MINDY4B: variants seen among roughly 807,000 people sequenced by gnomAD.
MINDY4B encodes the protein inactive ubiquitin carboxyl-terminal hydrolase MINDY-4B.
Under a neutral mutation model 16.7 loss-of-function variants are expected in MINDY4B, and 25 were observed. That is an observed-to-expected ratio of 1.49 (90% CI 1.09 to 2.09). The LOEUF is 2.09. Among genes scored for constraint, MINDY4B ranks in the 30% most tolerant of loss-of-function variants. MINDY4B has a pLI of 0.00. For missense variants in MINDY4B, 327 were observed against 168.4 expected, an observed-to-expected ratio of 1.94 and a Z score of -5.21; for synonymous variants, 132 against 61.9, an observed-to-expected ratio of 2.13 and a Z score of -5.32.
chr3:150,874,550 T>C (rs201600893), intron 10 of MINDY4B, among the ~76,000 whole-genome samples: 1 of 78,580 alleles, frequency 1.3e-5, no homozygotes, highest in Non-Finnish European at 2.8e-5. Context: ...TAAACATATA[T>C]ATCTACATGG....
chr3:150,900,848 A>G (rs1257357098), intron 3 of MINDY4B, among the ~76,000 whole-genome samples: 2 of 152,220 alleles, frequency 1.3e-5, no homozygotes, highest in African/African-American at 2.4e-5. Flanking sequence ...CAGTACAGAG[A>G]AAGACTAGAA....
intron 3 of MINDY4B, among the ~76,000 whole-genome samples, chr3:150,896,734 C>T (rs909575074): frequency 6.6e-6 from 1 of 152,178 alleles, no homozygotes; most frequent in East Asian, 1.9e-4. Context: ...TGTGAACCGT[C>T]TGTGAGTGTC....
intron 3 of MINDY4B, among the ~76,000 whole-genome samples, chr3:150,898,640 A>G (rs936429978): frequency 4.6e-5 from 7 of 152,232 alleles, no homozygotes; most frequent in African/African-American, 1.4e-4. Context: ...AGTGGCTGCC[A>G]TGATTATTAT....
intron 7 of MINDY4B, 24 bp from the exon 8 acceptor site, chr3:150,885,462 C>G: frequency 2.8e-6 from 1 of 357,268 alleles, no homozygotes; most frequent in Non-Finnish European, 4.9e-6. Flanking sequence ...AAAAGAAAAG[C>G]ATGTTGGTCT....
At chr3:150,882,823 C>G (rs953598755) in intron 10 of MINDY4B, 74 bp downstream of exon 10, 22 of 577,962 alleles carry the variant, frequency 3.8e-5, no homozygotes, top group African/African-American at 7.5e-5. Flanking sequence ...TTTGAATTGC[C>G]TAAATAGACA....
chr3:150,871,101 T>A lies in MINDY4B; in HGVS notation c.1327A>T (p.Arg443Ter), dbSNP rs1716955081. The A allele has an allele frequency of 1.4e-6, 1 of 702,948 alleles. No homozygotes were observed. 43.5% of individuals were successfully genotyped at this position (702,948 alleles called of 1,614,324 possible). A position where few individuals can be genotyped will look rare whatever the true frequency, so the allele number is the denominator to read the frequency against. Residue 443 changes from arginine (R) to a stop codon, truncating the protein, a stop_gained, in exon 12 of 12, where the codon AGA (arginine) becomes TGA (stop). Transcript: ENST00000465419. LOFTEE classifies it high-confidence loss of function. Reference protein sequence around the residue: ...RRFSPVEMAIRTKWSEATINW... With the variant: ...RRFSPVEMAI ...ATGGTGGCCTCGCTCCACTTGGTTC[T>A]GATTGCCATCTCCACTGGTGAAAAC...
At chr3:150,888,515 A>T (rs1394664873) in intron 7 of MINDY4B, among the ~76,000 whole-genome samples, 2 of 152,280 alleles carry the variant, frequency 1.3e-5, no homozygotes, top group East Asian at 1.9e-4. Context: ...TGCCAAATGG[A>T]ATGAGACACA....
At chr3:150,899,499 G>A (rs2107910737) in intron 3 of MINDY4B, among the ~76,000 whole-genome samples, 1 of 152,282 alleles carries the variant, frequency 6.6e-6, no homozygotes, top group South Asian at 2.1e-4. Context: ...CCAGAAAGGA[G>A]AGAGTCCTGG....
intron 5 of MINDY4B, among the ~76,000 whole-genome samples, chr3:150,891,761 C>CAAAAAA (rs35565267): frequency 1.5e-4 from 10 of 68,628 alleles, no homozygotes; most frequent in East Asian, 4.0e-4. Flanking sequence ...GACTCCATCT[C>CAAAAAA]AAAAAAAAAA....
At chr3:150,904,860 C>A (rs1004819677) in intron 2 of MINDY4B, among the ~76,000 whole-genome samples, 1 of 152,104 alleles carries the variant, frequency 6.6e-6, no homozygotes, top group African/African-American at 2.4e-5. Context: ...ACAAACATAG[C>A]TCTTAGAAGT....
Position 150,882,903 on chromosome 3 carries a change from G to T in MINDY4B, c.1053C>A (p.Leu351=), listed in dbSNP as rs1288718493. The change falls in exon 10 of 12, where the codon CTC becomes CTA. Residue 351 remains leucine, a synonymous_variant. Coordinates refer to ENST00000465419, the MANE Select transcript of MINDY4B (RefSeq NM_001351281.2). ...AGGACTGGAACACACTCACCTGTGA[G>T]AGTCTGTCATCTTCCGAGGCATCCT... ...WGKDASEDDR[L]SQVGSMLKTP... The T allele has an allele frequency of 1.1e-5, 8 of 701,482 alleles. No homozygotes were observed. Among genetic ancestry groups the T allele is most frequent in the Middle Eastern group, 2.3e-4 (1 of 4,380 alleles). 43.5% of individuals were successfully genotyped at this position (701,482 alleles called of 1,614,324 possible). A position where few individuals can be genotyped will look rare whatever the true frequency, so the allele number is the denominator to read the frequency against.
chr3:150,890,243 A>G, intron 7 of MINDY4B, 77 bp downstream of exon 7: 1 of 427,604 alleles, frequency 2.3e-6, no homozygotes, highest in Non-Finnish European at 4.1e-6. Flanking sequence ...ATCATTAGAA[A>G]TAGACTTTGT....
intron 10 of MINDY4B, among the ~76,000 whole-genome samples, chr3:150,876,563 C>G (rs1711497381): frequency 1.3e-5 from 2 of 152,108 alleles, no homozygotes; most frequent in Non-Finnish European, 2.9e-5. Context: ...GTTGTAAAGA[C>G]AAATTAGTTC....
At chr3:150,899,581 C>A (rs1226137185) in intron 3 of MINDY4B, among the ~76,000 whole-genome samples, 2 of 152,152 alleles carry the variant, frequency 1.3e-5, no homozygotes, top group East Asian at 3.9e-4. Context: ...CCTTCCCTCC[C>A]TTCAGTTTCC....
chr3:150,890,157 G>A (rs1711760605), intron 7 of MINDY4B, among the ~76,000 whole-genome samples, 163 bp downstream of exon 7: 1 of 152,138 alleles, frequency 6.6e-6, no homozygotes, highest in African/African-American at 2.4e-5. Context: ...GTTGTGAGGA[G>A]GAAGAGGCAG....
At position 150,903,352 on chromosome 3, in the gene MINDY4B, T is replaced by C. The variant is rs1273754438; in HGVS notation, c.206A>G (p.Lys69Arg). 7.5e-6 allele frequency: 3 copies of C among 398,476 alleles called. No individual in the cohort carries two copies. The Admixed American group carries it at 1.3e-4, about 18-fold the overall frequency. 24.7% of individuals were successfully genotyped at this position (398,476 alleles called of 1,614,324 possible). A position where few individuals can be genotyped will look rare whatever the true frequency, so the allele number is the denominator to read the frequency against. The part of the protein sequence containing the change: ...NEDGTGLSQP[K>R]GQGHLPSSGL... ...ACTTGATGGCAAATGTCCTTGTCCT[T>C]TGGGCTGAGATAGTCCTGTTCCATC... Residue 69 changes from lysine to arginine, a missense_variant, in exon 3 of 12, where the codon AAA becomes AGA. Transcript: ENST00000465419.
At position 150,901,634 on chromosome 3, in the gene MINDY4B, G is replaced by C. The variant is rs527786039; in HGVS notation, c.309+1615C>G. Among the ~76,000 whole-genome samples, 3 of 150,870 alleles carry C rather than the reference G, an allele frequency of 2.0e-5. No homozygotes were observed. The East Asian group carries it at 5.8e-4, about 29-fold the overall frequency. On this transcript the variant is annotated intron_variant, in intron 3 of 11. Transcript: ENST00000465419. The stretch of plus-strand genomic sequence containing the variant: ...CGTCCTGGGTTCAAGCGATTCTCCT[G>C]CCTCAGCTTCCTGAGTAGCTGGGAC...
chr3:150,891,053 A>G lies in MINDY4B; in HGVS notation c.572T>C (p.Leu191Pro). The stretch of plus-strand genomic sequence containing the variant: ...TCCTGCAGCCCACAGGATGCCAGCA[A>G]GCGCCGCGGCCAAGGCTTGCTCCTG... ...KEQEQALAAALAGILWAAGAA... is the reference protein window; with the variant it reads ...KEQEQALAAAPAGILWAAGAA... The change falls in exon 6 of 12, where the codon CTT becomes CCT. Residue 191 changes from leucine to proline, a missense_variant. Leu to Pro is a moderately conservative substitution (Grantham distance 98). Transcript: ENST00000465419. The G allele has an allele frequency of 1.4e-6, 1 of 702,836 alleles. No homozygotes were observed. The highest frequency in any genetic ancestry group is 2.6e-6 in the Non-Finnish European group (1 of 384,824). The allele number at this position is 702,836 out of a possible 1,614,324, so 43.5% of individuals were successfully genotyped here. A position where few individuals can be genotyped will look rare whatever the true frequency, so the allele number is the denominator to read the frequency against.
intron 10 of MINDY4B, among the ~76,000 whole-genome samples, chr3:150,882,149 T>G (rs1711530916): frequency 6.6e-6 from 1 of 152,204 alleles, no homozygotes; most frequent in Non-Finnish European, 1.5e-5. Flanking sequence ...AGAGTCTGCC[T>G]CATCTTCCCT....
Sources: gnomAD v4.1 joint callset for allele counts (sites outside exome capture counted in the v4.1 genomes callset) on GRCh38, gnomAD v4.1.1 for gene constraint, MANE v1.5 for transcripts, NCBI Gene and HGNC (gene_info 2026-07-23, HGNC 2026-07-21) for gene names.